ICA1: variants seen among roughly 807,000 people sequenced by gnomAD.
The protein encoded by ICA1 is 69 kDa islet cell autoantigen.
ICA1 carries 40 observed loss-of-function variants against 71.0 expected under a neutral mutation model. That is an observed-to-expected ratio of 0.56 (90% CI 0.44 to 0.73). ICA1 has a LOEUF of 0.73. Among genes scored for constraint, ICA1 ranks in the 30% least tolerant of loss-of-function variants. The probability of loss-of-function intolerance (pLI) is 0.00; values close to 1 mark genes in which losing one functional copy is unlikely to be tolerated. For synonymous variants in ICA1, 207 were observed against 209.5 expected, an observed-to-expected ratio of 0.99 and a Z score of 0.10; for missense variants, 578 against 576.5, an observed-to-expected ratio of 1.00 and a Z score of -0.03.
At chr7:8,171,922 T>C (rs769659144) in intron 6 of ICA1, among the ~76,000 whole-genome samples, 28 of 151,990 alleles carry the variant, frequency 1.8e-4, no homozygotes, top group Admixed American at 4.6e-4. Context: ...ATTACAGATA[T>C]ATATTTGTTA....
chr7:8,195,372 C>A (rs918578562), intron 6 of ICA1, among the ~76,000 whole-genome samples: 1 of 152,010 alleles, frequency 6.6e-6, no homozygotes, highest in Non-Finnish European at 1.5e-5. Flanking sequence ...GAAACCCTGT[C>A]TCTACTAAAA....
intron 1 of ICA1, among the ~76,000 whole-genome samples, chr7:8,237,819 G>GACAC (rs57343882): frequency 0.022 from 3,104 of 142,148 alleles, 52 homozygotes; most frequent in African/African-American, 0.045. Context: ...GTTGAAGACA[G>GACAC]ACACACACAC....
At chr7:8,121,014 AG>A (rs1452963585) in intron 13 of ICA1, among the ~76,000 whole-genome samples, 3 of 152,200 alleles carry the variant, frequency 2.0e-5, no homozygotes, top group Admixed American at 2.0e-4. Flanking sequence ...CCTCAGGCCT[AG>A]TTTCCATGCC....
At chr7:8,227,305 T>C (rs369413525) in intron 4 of ICA1, among the ~76,000 whole-genome samples, 1 of 152,112 alleles carries the variant, frequency 6.6e-6, no homozygotes, top group Non-Finnish European at 1.5e-5. Flanking sequence ...AAATGGTTAG[T>C]AAACCAAGTG....
chr7:8,200,887 G>C (rs558158996), intron 6 of ICA1, among the ~76,000 whole-genome samples: 1 of 151,992 alleles, frequency 6.6e-6, no homozygotes, highest in African/African-American at 2.4e-5. Flanking sequence ...GTCTAGCTTT[G>C]GCTCCTTTTG....
At chr7:8,201,884 C>A (rs1412154386) in intron 6 of ICA1, among the ~76,000 whole-genome samples, 1 of 152,056 alleles carries the variant, frequency 6.6e-6, no homozygotes, top group Admixed American at 6.5e-5. Flanking sequence ...AGGAAGGAGA[C>A]CAGGCATTCC....
In ICA1 at chr7:8,139,022, A is replaced by C; in HGVS notation, c.981T>G (p.Ser327=). The C allele has an allele frequency of 6.2e-7, 1 of 1,613,496 alleles. No homozygotes were observed. Among genetic ancestry groups the C allele is most frequent in the Non-Finnish European group, 8.5e-7 (1 of 1,179,542 alleles). The change falls in exon 11 of 14, where the codon TCT becomes TCG. Residue 327 remains serine, a synonymous_variant. Transcript: ENST00000402384. ...FKTEDGKSIL[S]ALDKGSTHTA... is the part of the protein sequence containing the mutation. ...TATGTGTAGAGCCTTTGTCTAAGGC[A>C]GATAAAATACTTTTTCCATCTTCAG... is the stretch of plus-strand genomic sequence containing the variant.
At chr7:8,229,495 C>T (rs1272554065) in intron 3 of ICA1, among the ~76,000 whole-genome samples, 1 of 152,150 alleles carries the variant, frequency 6.6e-6, no homozygotes, top group East Asian at 1.9e-4. Flanking sequence ...AATGAGAAAA[C>T]CTGGAAGATA....
chr7:8,172,318 T>A (rs7784662), intron 6 of ICA1, among the ~76,000 whole-genome samples: 84,157 of 151,812 alleles, frequency 0.55, 23,534 homozygotes, highest in South Asian at 0.61. Context: ...CCCTATTATC[T>A]TCAATAAATA....
intron 6 of ICA1, among the ~76,000 whole-genome samples, chr7:8,161,916 A>G (rs1803983048): frequency 6.6e-6 from 1 of 152,216 alleles, no homozygotes; most frequent in Non-Finnish European, 1.5e-5. Context: ...TAGACAACTG[A>G]TATAAACTGT....
At chr7:8,214,985 G>C (rs1314794040) in intron 6 of ICA1, among the ~76,000 whole-genome samples, 1 of 152,070 alleles carries the variant, frequency 6.6e-6, no homozygotes, top group Non-Finnish European at 1.5e-5. Flanking sequence ...TTTCTCTCTG[G>C]TCTACCTCCC....
rs938855934 is a variant in ICA1, at chr7:8,223,225, C to T, written c.257-1827G>A. On this transcript the variant is annotated intron_variant, in intron 4 of 13. Transcript: ENST00000402384. This position sits in a 1 kb window ranked among gnomAD's most constrained non-coding sequence, Gnocchi z 4.1. ...GCAATGTCTCATTTTTGATCTTAAT[C>T]GTGTGAGGCTACTGTCACCCTTTTT... Among the ~76,000 whole-genome samples, 1 of 152,154 alleles carries T rather than the reference C, an allele frequency of 6.6e-6. No homozygotes were observed. Among genetic ancestry groups the T allele is most frequent in the Non-Finnish European group, 1.5e-5 (1 of 68,038 alleles).
chr7:8,159,690 C>T (rs1444126923), intron 6 of ICA1, among the ~76,000 whole-genome samples: 1 of 151,878 alleles, frequency 6.6e-6, no homozygotes, highest in Non-Finnish European at 1.5e-5. Context: ...ACAGTGAGAG[C>T]CTGTCTCAAA....
intron 6 of ICA1, among the ~76,000 whole-genome samples, chr7:8,210,927 G>A (rs888143741): frequency 7.1e-4 from 97 of 136,402 alleles, no homozygotes; most frequent in African/African-American, 2.5e-3. Context: ...TCCAGCGAGA[G>A]ACAGGACAGG....
intron 6 of ICA1, among the ~76,000 whole-genome samples, chr7:8,164,115 G>C (rs1804937210): frequency 6.6e-6 from 1 of 151,844 alleles, no homozygotes; most frequent in African/African-American, 2.4e-5. Flanking sequence ...GACCAGCCTG[G>C]CCAACATGGT....
At chr7:8,217,579 C>T (rs1027964635) in intron 6 of ICA1, among the ~76,000 whole-genome samples, 77 of 152,276 alleles carry the variant, frequency 5.1e-4, no homozygotes, top group African/African-American at 1.8e-3. Flanking sequence ...GAAATATATC[C>T]AGGCGACCAA....
At chr7:8,248,193 G>T (rs1806793827) in intron 1 of ICA1, among the ~76,000 whole-genome samples, 1 of 152,018 alleles carries the variant, frequency 6.6e-6, no homozygotes, top group Non-Finnish European at 1.5e-5. Flanking sequence ...CCATTCAGTG[G>T]GTAGCTTTTC....
rs563402088 is a variant in ICA1, at chr7:8,176,274, T to C, written c.580-17622A>G. ...CAGGCCAATCCCATCCACGTGCTTC[T>C]GTACTGCCTCTGCCTGGAAAGCCCT... On this transcript the variant is annotated intron_variant, in intron 6 of 13. Transcript: ENST00000402384. 1.9e-4 allele frequency among the ~76,000 whole-genome samples: 29 copies of C among 152,368 alleles called. No homozygotes were observed. In the South Asian group the frequency reaches 5.0e-3, roughly 26 times the overall value.
chr7:8,214,427 C>CA (rs1794758362), intron 6 of ICA1, among the ~76,000 whole-genome samples: 1 of 152,186 alleles, frequency 6.6e-6, no homozygotes. Context: ...TGGGGTGAAT[C>CA]ACGCTGTCAG....
Sources: allele counts gnomAD v4.1 joint callset (sites outside exome capture counted in the v4.1 genomes callset), GRCh38; gene constraint gnomAD v4.1.1; non-coding constraint Gnocchi (gnomAD v3.1); transcripts MANE v1.5; gene names NCBI Gene and HGNC (gene_info 2026-07-23, HGNC 2026-07-21).